The following ABI2 variants were observed in gnomAD, a reference collection of about 807,000 sequenced individuals.
ABI2 encodes abl interactor 2.
ABI2 carries 25 observed loss-of-function variants against 59.2 expected under a neutral mutation model. That is an observed-to-expected ratio of 0.42 (90% confidence interval 0.31 to 0.59). The LOEUF is 0.59. Among genes scored for constraint, ABI2 ranks in the 20% least tolerant of loss-of-function variants. The pLI is 0.14. For missense variants in ABI2, 545 were observed against 681.8 expected, an observed-to-expected ratio of 0.80 and a Z score of 2.23; for synonymous variants, 213 against 235.5, an observed-to-expected ratio of 0.90 and a Z score of 0.87.
At chr2:203,337,287 A>T in intron 1 of ABI2, among the ~76,000 whole-genome samples, 1 of 152,368 alleles carries the variant, frequency 6.6e-6, no homozygotes, top group East Asian at 1.9e-4. Flanking sequence ...TTAATTAACG[A>T]ATTTAGTAAA....
chr2:203,400,156 C>T (rs1337166661), intron 8 of ABI2, among the ~76,000 whole-genome samples: 1 of 142,580 alleles, frequency 7.0e-6, no homozygotes, highest in African/African-American at 2.7e-5. Context: ...GTGGCAATCT[C>T]GGCCCACTGC....
intron 1 of ABI2, among the ~76,000 whole-genome samples, chr2:203,358,112 TG>T (rs2092676690): frequency 8.8e-6 from 1 of 113,354 alleles, no homozygotes; most frequent in Non-Finnish European, 2.2e-5. Context: ...TGTGTGTGTG[TG>T]TTTGTTTGTT....
intron 7 of ABI2, 43 bp downstream of exon 7, chr2:203,395,823 A>T: frequency 6.7e-7 from 1 of 1,500,460 alleles, no homozygotes; most frequent in Non-Finnish European, 8.9e-7. Context: ...TCCTTTCTGA[A>T]TTTGATTCAA....
chr2:203,401,053 T>G (rs1038148074), intron 8 of ABI2, among the ~76,000 whole-genome samples: 2 of 152,176 alleles, frequency 1.3e-5, no homozygotes, highest in Admixed American at 6.5e-5. Flanking sequence ...TAGGCACAAA[T>G]GGATAGATGA....
intron 2 of ABI2, chr2:203,376,162 TATAGATC>T (rs1224484552): frequency 2.7e-6 from 4 of 1,479,274 alleles, no homozygotes; most frequent in Non-Finnish European, 3.6e-6. Flanking sequence ...GTCCTTCCTC[TATAGATC>T]TTTGGTTCTC....
intron 10 of ABI2, among the ~76,000 whole-genome samples, chr2:203,415,192 C>G (rs914141509): frequency 8.5e-5 from 13 of 152,130 alleles, no homozygotes; most frequent in African/African-American, 2.9e-4. Context: ...GAAAGACATT[C>G]TATTTAATGA....
intron 1 of ABI2, among the ~76,000 whole-genome samples, chr2:203,331,732 G>A (rs1249630121): frequency 6.6e-6 from 1 of 151,228 alleles, no homozygotes; most frequent in Non-Finnish European, 1.5e-5. Context: ...ATTTTATTGT[G>A]TGGAAATGTA....
rs576926549 is a variant in ABI2, at chr2:203,413,553, T to G, written c.1279+2182T>G. 3.3e-5 allele frequency among the ~76,000 whole-genome samples: 5 copies of G among 152,334 alleles called. No individual in the cohort carries two copies. The South Asian group carries it at 1.0e-3, about 32-fold the overall frequency. On this transcript the variant is annotated intron_variant, in intron 10 of 11. Transcript: ENST00000261018. ...GTTGATTGCCTTTTGGATTGGTCTT[T>G]TTCATCTTTTCCTACAATCATATAC...
At chr2:203,410,685 TCCTAG>T (rs1318192251) in intron 9 of ABI2, among the ~76,000 whole-genome samples, 1 of 152,216 alleles carries the variant, frequency 6.6e-6, no homozygotes, top group Non-Finnish European at 1.5e-5. Flanking sequence ...GATACTGTTT[TCCTAG>T]CAGGTGTTTG....
intron 11 of ABI2, among the ~76,000 whole-genome samples, chr2:203,419,006 C>T (rs1019449652): frequency 2.0e-5 from 3 of 151,994 alleles, no homozygotes; most frequent in African/African-American, 7.2e-5. Flanking sequence ...CATCAAAAAG[C>T]TGTTAAGTCA....
intron 2 of ABI2, among the ~76,000 whole-genome samples, chr2:203,378,746 A>G (rs2095886978): frequency 6.6e-6 from 1 of 152,182 alleles, no homozygotes. Flanking sequence ...GAGTTAGCAA[A>G]AAATGTGTCT....
At chr2:203,344,068 G>C (rs921785455) in intron 1 of ABI2, among the ~76,000 whole-genome samples, 1 of 152,200 alleles carries the variant, frequency 6.6e-6, no homozygotes, top group Non-Finnish European at 1.5e-5. Context: ...AGGGTTGGAG[G>C]CTGCAGTGAC....
chr2:203,351,092 C>T (rs557428419), intron 1 of ABI2, among the ~76,000 whole-genome samples: 1 of 152,208 alleles, frequency 6.6e-6, no homozygotes, highest in East Asian at 1.9e-4. Context: ...GACCCAACAC[C>T]ATTTGTTTAA....
chr2:203,330,392 CAAAA>C (rs35505933), intron 1 of ABI2, among the ~76,000 whole-genome samples: 15 of 115,796 alleles, frequency 1.3e-4, no homozygotes, highest in Non-Finnish European at 1.3e-4. Context: ...GACTACATAT[CAAAA>C]AAAAAAAAAA....
chr2:203,402,811 C>A, intron 9 of ABI2, 77 bp downstream of exon 9: 3 of 1,265,322 alleles, frequency 2.4e-6, no homozygotes, highest in Non-Finnish European at 3.2e-6. Flanking sequence ...CCCTTAATTA[C>A]AAATAGTGCA....
chr2:203,363,767 CTTTTCTTTTT>C (rs1426905626), intron 1 of ABI2, among the ~76,000 whole-genome samples: 1 of 151,924 alleles, frequency 6.6e-6, no homozygotes, highest in East Asian at 1.9e-4. Context: ...ATTTTCTTTT[CTTTTCTTTTT>C]TTTTGAGACA....
intron 1 of ABI2, among the ~76,000 whole-genome samples, chr2:203,342,552 T>TTTA (rs2080587156): frequency 7.1e-6 from 1 of 140,398 alleles, no homozygotes; most frequent in Non-Finnish European, 1.5e-5. Flanking sequence ...CCTCAAAACC[T>TTTA]TTTATTTATT....
At chr2:203,357,263 A>G (rs1374105527) in intron 1 of ABI2, among the ~76,000 whole-genome samples, 1 of 152,234 alleles carries the variant, frequency 6.6e-6, no homozygotes, top group Non-Finnish European at 1.5e-5. Context: ...AATATAACAT[A>G]TGGTAACTGA....
Position 203,380,226 on chromosome 2 carries a change from G to C in ABI2, c.304G>C (p.Glu102Gln). 6.3e-7 allele frequency: 1 copy of C among 1,583,810 alleles called. No homozygotes were observed. The highest frequency in any genetic ancestry group is 8.6e-7 in the Non-Finnish European group (1 of 1,168,454). The change falls in exon 3 of 12, where the codon GAG (glutamate) becomes CAG (glutamine). Residue 102 changes from glutamate to glutamine, a missense_variant. Glu to Gln is a conservative substitution (Grantham distance 29). Around this residue, in one of 4 missense-constraint regions of ABI2, gnomAD observed 36 missense variants for 80.0 expected, o/e 0.45. Coordinates refer to ENST00000261018, the MANE Select transcript of ABI2 (RefSeq NM_001375670.1). ...HISQTVDIHK[E>Q]KVARREIGIL... ...TTTGCAGACAGTTGATATTCATAAAGAGAAAGTTGCAAGAAGAGAAATTGG... is the reference window on the plus strand; with the variant it reads ...TTTGCAGACAGTTGATATTCATAAACAGAAAGTTGCAAGAAGAGAAATTGG...
Sources: allele counts gnomAD v4.1 joint callset (sites outside exome capture counted in the v4.1 genomes callset), GRCh38; gene constraint gnomAD v4.1.1; regional missense constraint gnomAD v4.1.1; transcripts MANE v1.5; gene names NCBI Gene and HGNC (gene_info 2026-07-23, HGNC 2026-07-21).